Variants in GPC6 observed in about 807,000 individuals in gnomAD.
GPC6 encodes glypican-6.
Under a neutral mutation model 55.2 loss-of-function variants are expected in GPC6, and 14 were observed. The observed-to-expected ratio is 0.25, with a 90% CI of 0.17 to 0.40. The LOEUF (loss-of-function observed/expected upper bound fraction) is 0.40, where lower values mean the gene tolerates loss of function less well. Among genes scored for constraint, GPC6 ranks in the 10% least tolerant of loss-of-function variants. The pLI is 1.00. For missense variants in GPC6, 641 were observed against 708.5 expected (o/e 0.90, Z 1.08); for synonymous variants, 278 against 259.6 (o/e 1.07, Z -0.68).
chr13:93,506,039 C>T (rs1230219664), intron 1 of GPC6, among the ~76,000 whole-genome samples: 1 of 152,166 alleles, frequency 6.6e-6, no homozygotes, highest in Non-Finnish European at 1.5e-5. Context: ...ACAGTTATTG[C>T]TGCCGAGGTT....
chr13:94,188,151 C>G (rs79248655), intron 4 of GPC6, among the ~76,000 whole-genome samples: 1 of 152,176 alleles, frequency 6.6e-6, no homozygotes, highest in Non-Finnish European at 1.5e-5. Flanking sequence ...ACAAATGATA[C>G]TCACTTCATG....
At chr13:93,871,159 A>G (rs76326221) in intron 3 of GPC6, among the ~76,000 whole-genome samples, 5,828 of 151,956 alleles carry the variant, frequency 0.038, 350 homozygotes, top group African/African-American at 0.13. Flanking sequence ...CTAGCATGAG[A>G]CAGACTCTGT....
intron 4 of GPC6, among the ~76,000 whole-genome samples, chr13:94,198,871 A>G (rs1235773381): frequency 1.3e-5 from 2 of 152,214 alleles, no homozygotes; most frequent in South Asian, 2.1e-4. Context: ...GCTGTATTTC[A>G]TGAGTGAATT....
At chr13:94,300,072 C>T (rs1875560809) in intron 5 of GPC6, among the ~76,000 whole-genome samples, 1 of 152,064 alleles carries the variant, frequency 6.6e-6, no homozygotes, top group African/African-American at 2.4e-5. Flanking sequence ...GCTCTGTTTG[C>T]AAATTTCAAT....
chr13:93,827,085 G>C (rs1887291404), intron 2 of GPC6, among the ~76,000 whole-genome samples: 1 of 152,158 alleles, frequency 6.6e-6, no homozygotes, highest in African/African-American at 2.4e-5. Context: ...GATTGAGGAA[G>C]AAGAAAAAAT....
chr13:93,281,854 T>C (rs1009817077), intron 1 of GPC6, among the ~76,000 whole-genome samples: 2 of 152,114 alleles, frequency 1.3e-5, no homozygotes, highest in Non-Finnish European at 2.9e-5. Flanking sequence ...AACTCCAATA[T>C]GCACCTATTC....
intron 1 of GPC6, among the ~76,000 whole-genome samples, chr13:93,231,358 TAC>T (rs1440216974): frequency 4.2e-3 from 109 of 25,898 alleles, no homozygotes; most frequent in African/African-American, 0.019. Context: ...TATATATATA[TAC>T]GTATATATAT....
chr13:93,716,326 G>A (rs1883254257), intron 2 of GPC6, among the ~76,000 whole-genome samples: 2 of 151,590 alleles, frequency 1.3e-5, no homozygotes, highest in Non-Finnish European at 3.0e-5. Flanking sequence ...TCTAGGAGAA[G>A]CATTATTGTC....
Position 93,542,931 on chromosome 13 carries a change from C to T in GPC6, c.161-2332C>T, listed in dbSNP as rs11593402. 2.6e-3 allele frequency among the ~76,000 whole-genome samples: 396 copies of T among 152,216 alleles called. 1 individual carries two copies. Among genetic ancestry groups the T allele is most frequent in the African/African-American group, 8.9e-3 (371 of 41,514 alleles). ...AGCTTAAGGAGATTTTGGGCTGAGA[C>T]GATGGGGTTTTCTAGATATACAGTC... On this transcript the variant is annotated intron_variant, in intron 1 of 8. Coordinates refer to ENST00000377047, the MANE Select transcript of GPC6 (RefSeq NM_005708.5).
rs573104581 is a variant in GPC6, at chr13:94,407,308, G to A, written c.*4091G>A. ...ATCAAATCTAAAATTTTATGTGACT[G>A]TCAAATGAATATTATTTGGGTTAAG... On this transcript the variant is annotated 3_prime_UTR_variant, in exon 9 of 9. Transcript: ENST00000377047. 6.6e-6 allele frequency: 1 copy of A among 152,188 alleles called. No individual in the cohort carries two copies. Among genetic ancestry groups the A allele is most frequent in the South Asian group, 2.1e-4 (1 of 4,820 alleles). The allele number at this position is 152,188 out of a possible 1,614,324, so 9.4% of individuals were successfully genotyped here. A position where few individuals can be genotyped will look rare whatever the true frequency, so the allele number is the denominator to read the frequency against.
At chr13:93,844,412 C>T (rs1888090093) in intron 3 of GPC6, among the ~76,000 whole-genome samples, 2 of 152,192 alleles carry the variant, frequency 1.3e-5, no homozygotes, top group African/African-American at 4.8e-5. Context: ...GTTGGAATTA[C>T]AGGCATGAGC....
intron 2 of GPC6, among the ~76,000 whole-genome samples, chr13:93,819,689 T>C (rs1052153914): frequency 1.3e-5 from 2 of 152,176 alleles, no homozygotes; most frequent in African/African-American, 4.8e-5. Context: ...AGAAATGCAG[T>C]CCATAGGCTC....
chr13:94,216,780 C>G (rs1358653993), intron 4 of GPC6, among the ~76,000 whole-genome samples: 1 of 152,182 alleles, frequency 6.6e-6, no homozygotes, highest in Admixed American at 6.5e-5. Context: ...CCAGCCCAAA[C>G]AGTCTATAAA....
chr13:94,384,437 T>C (rs9589987), intron 7 of GPC6, among the ~76,000 whole-genome samples: 7,798 of 152,284 alleles, frequency 0.051, 650 homozygotes, highest in African/African-American at 0.18. Context: ...CATCTGTGTT[T>C]ACCTTTAAGC....
intron 2 of GPC6, among the ~76,000 whole-genome samples, chr13:93,744,620 C>T (rs1165134793): frequency 1.4e-5 from 2 of 138,998 alleles, no homozygotes; most frequent in Admixed American, 7.6e-5. Flanking sequence ...CATCTGACAT[C>T]AAGCACTGTC....
At chr13:93,281,963 G>A (rs928072844) in intron 1 of GPC6, among the ~76,000 whole-genome samples, 1 of 152,116 alleles carries the variant, frequency 6.6e-6, no homozygotes, top group Non-Finnish European at 1.5e-5. Flanking sequence ...TGACGCTGAT[G>A]GAAAGGTAAA....
chr13:94,386,457 G>A lies in GPC6; in HGVS notation c.1289+3907G>A, dbSNP rs376715191. The stretch of plus-strand genomic sequence containing the variant: ...AATATTAAAGTAGCTAGGCATGGTG[G>A]CAGGCGCCTATAATCTTAACTACTC... On this transcript the variant is annotated intron_variant, in intron 7 of 8. Transcript: ENST00000377047. Among the ~76,000 whole-genome samples the A allele has an allele frequency of 2.6e-5, 4 of 151,354 alleles. 1 individual carries two copies. Among genetic ancestry groups the A allele is most frequent in the African/African-American group, 7.3e-5 (3 of 41,296 alleles).
intron 2 of GPC6, among the ~76,000 whole-genome samples, chr13:93,561,512 A>G (rs1875805117): frequency 6.6e-6 from 1 of 151,186 alleles, no homozygotes; most frequent in South Asian, 2.1e-4. Flanking sequence ...ATTACACTTT[A>G]TATTTCACAT....
intron 1 of GPC6, among the ~76,000 whole-genome samples, chr13:93,311,147 A>G (rs1211176524): frequency 6.6e-6 from 1 of 152,204 alleles, no homozygotes; most frequent in Admixed American, 6.5e-5. Flanking sequence ...AGGGTAGGGC[A>G]ATGCCAGCTG....
Sources: gnomAD v4.1 joint callset for allele counts (sites outside exome capture counted in the v4.1 genomes callset) on GRCh38, gnomAD v4.1.1 for gene constraint, MANE v1.5 for transcripts, NCBI Gene and HGNC (gene_info 2026-07-23, HGNC 2026-07-21) for gene names.